CADM4: variants seen among roughly 807,000 people sequenced by gnomAD.
CADM4 encodes TSLC1-like 2.
In CADM4, 13 loss-of-function variants were observed where a neutral mutation model predicts 43.9. The ratio of observed to expected loss-of-function variants is 0.30; its 90% CI spans 0.19 to 0.47. CADM4 has a LOEUF of 0.47. Ranked by LOEUF, CADM4 falls within the 20% of genes least tolerant of loss-of-function variation. The pLI, the probability that CADM4 is intolerant of heterozygous loss-of-function variation, is 1.00. For missense variants in CADM4, 420 were observed against 527.0 expected (o/e 0.80, Z 1.99); for synonymous variants, 209 against 220.9 (o/e 0.95, Z 0.48).
chr19:43,633,108 C>A (rs567935993), intron 1 of CADM4, among the ~76,000 whole-genome samples: 2 of 151,146 alleles, frequency 1.3e-5, no homozygotes, highest in East Asian at 4.0e-4. Context: ...GGGTATTGCT[C>A]TGTCACCCAG....
rs1397640188 is a variant in CADM4, at chr19:43,639,842, G to GCCCGCGCCGCCCGCCCCGCCC, written c.-53_-52insGGGCGGGGCGGGCGGCGCGGG. On this transcript the variant is annotated 5_prime_UTR_variant, in exon 1 of 9. Transcript: ENST00000222374. ...TCGCTCCCGGCCCGGCACCTGCACC[G>GCCCGCGCCGCCCGCCCCGCCC]CCCGCGCCGCCCGCCCCGCCCCCCG... The GCCCGCGCCGCCCGCCCCGCCC allele has an allele frequency of 6.1e-6, 6 of 976,880 alleles. No homozygotes were observed. The highest frequency in any genetic ancestry group is 7.3e-6 in the Non-Finnish European group (6 of 826,418). The allele number at this position is 976,880 out of a possible 1,614,324, so 60.5% of individuals were successfully genotyped here.
At position 43,622,607 on chromosome 19, in the gene CADM4, A is replaced by G. The variant is rs902612115; in HGVS notation, c.*723T>C. 3.3e-5 allele frequency: 5 copies of G among 152,558 alleles called. No homozygotes were observed. Among genetic ancestry groups the G allele is most frequent in the Non-Finnish European group, 7.3e-5 (5 of 68,056 alleles). The allele number at this position is 152,558 out of a possible 1,614,324, so 9.5% of individuals were successfully genotyped here. A position where few individuals can be genotyped will look rare whatever the true frequency, so the allele number is the denominator to read the frequency against. ...CCATGAAGACCACGAATCCTCCCCA[A>G]ACTCCTTTCCCCCTCCCCGGGGGGC... On this transcript the variant is annotated 3_prime_UTR_variant, in exon 9 of 9. Transcript: ENST00000222374.
rs1973549750 is a variant in CADM4, at chr19:43,627,543, A to G, written c.211+101T>C. On this transcript the variant is annotated intron_variant, in intron 2 of 8. Transcript: ENST00000222374. This position sits in a 1 kb window ranked among gnomAD's most constrained non-coding sequence, Gnocchi z 4.0. Reference sequence around the variant, plus strand: ...CCCAGCCCTTTCTTCTCCGAGACCCAGGAGACCAAACTCTCAGGTGTGTCC... The same window carrying G: ...CCCAGCCCTTTCTTCTCCGAGACCCGGGAGACCAAACTCTCAGGTGTGTCC... 7.2e-7 allele frequency: 1 copy of G among 1,396,486 alleles called. No homozygotes were observed. Among genetic ancestry groups the G allele is most frequent in the Non-Finnish European group, 9.7e-7 (1 of 1,031,926 alleles). 86.5% of individuals were successfully genotyped at this position (1,396,486 alleles called of 1,614,324 possible). A position where few individuals can be genotyped will look rare whatever the true frequency, so the allele number is the denominator to read the frequency against.
In CADM4 at chr19:43,627,568, C is replaced by A; in HGVS notation, c.211+76G>T. ...AGGAGACCAAACTCTCAGGTGTGTC[C>A]TCTTTCAGGACATGGGAGCCTGGGC... On this transcript the variant is annotated intron_variant, in intron 2 of 8. Coordinates refer to ENST00000222374, the MANE Select transcript of CADM4 (RefSeq NM_145296.2). The surrounding 1 kb of genome is among the most constrained non-coding windows in gnomAD (Gnocchi z 4.0). The A allele has an allele frequency of 6.6e-7, 1 of 1,516,832 alleles. No homozygotes were observed. Among genetic ancestry groups the A allele is most frequent in the Admixed American group, 1.9e-5 (1 of 53,148 alleles). The allele number at this position is 1,516,832 out of a possible 1,614,324, so 94.0% of individuals were successfully genotyped here. A position where few individuals can be genotyped will look rare whatever the true frequency, so the allele number is the denominator to read the frequency against.
intron 1 of CADM4, among the ~76,000 whole-genome samples, chr19:43,633,894 A>G (rs932840305): frequency 6.6e-6 from 1 of 151,582 alleles, no homozygotes; most frequent in Non-Finnish European, 1.5e-5. Flanking sequence ...GGGGGTCTCA[A>G]TATCTTGCCC....
At position 43,626,720 on chromosome 19, in the gene CADM4, T is replaced by A; in HGVS notation, c.499+64A>T. 2 of 1,491,594 alleles carry A rather than the reference T, an allele frequency of 1.3e-6. No individual in the cohort carries two copies. Among genetic ancestry groups the A allele is most frequent in the Non-Finnish European group, 8.9e-7 (1 of 1,117,968 alleles). 92.4% of individuals were successfully genotyped at this position (1,491,594 alleles called of 1,614,324 possible). ...TGAAAACCTGTGGCTCCTCTCCACA[T>A]ATAAACAACCTCTCCTAAGTCCCAC... On this transcript the variant is annotated intron_variant, in intron 4 of 8. Coordinates refer to ENST00000222374, the MANE Select transcript of CADM4 (RefSeq NM_145296.2). This position sits in a 1 kb window ranked among gnomAD's most constrained non-coding sequence, Gnocchi z 5.9.
rs916872810 is a variant in CADM4 at position 43,622,720 on chromosome 19, G to A, written c.*610C>T. 4 of 152,678 alleles carry A rather than the reference G, an allele frequency of 2.6e-5. No individual in the cohort carries two copies. The highest frequency in any genetic ancestry group is 9.7e-5 in the African/African-American group (4 of 41,392). 9.5% of individuals were successfully genotyped at this position (152,678 alleles called of 1,614,324 possible). A position where few individuals can be genotyped will look rare whatever the true frequency, so the allele number is the denominator to read the frequency against. On this transcript the variant is annotated 3_prime_UTR_variant, in exon 9 of 9. Coordinates refer to ENST00000222374, the MANE Select transcript of CADM4 (RefSeq NM_145296.2). Reference sequence around the variant, plus strand: ...GACAGACGTTGGGGGAGAAGGTAGAGAGAAGGGGAGCCCAGGAACCTGGGG... The same window carrying A: ...GACAGACGTTGGGGGAGAAGGTAGAAAGAAGGGGAGCCCAGGAACCTGGGG...
At chr19:43,630,281 C>CTTT (rs59489315) in intron 1 of CADM4, among the ~76,000 whole-genome samples, 9,250 of 73,260 alleles carry the variant, frequency 0.13, 1,018 homozygotes, top group African/African-American at 0.17. Flanking sequence ...TTTTTCTTTT[C>CTTT]TTTTTTTTTT....
rs774965637 is a variant in CADM4, at chr19:43,627,155, G to C, written c.364+11C>G. ...AGGAGAGGATGCGTCTGACAAGGGGGAGGGCGTTACCTAGTACCGTGAGCG... is the reference window on the plus strand; with the variant it reads ...AGGAGAGGATGCGTCTGACAAGGGGCAGGGCGTTACCTAGTACCGTGAGCG... On this transcript the variant is annotated intron_variant, in intron 3 of 8. Transcript: ENST00000222374. The surrounding 1 kb of genome is among the most constrained non-coding windows in gnomAD (Gnocchi z 4.0). 3.0e-5 allele frequency: 47 copies of C among 1,558,058 alleles called. 3 individuals carry two copies. In the South Asian group the frequency reaches 4.7e-4, roughly 16 times the overall value.
chr19:43,641,427 T>C (rs1973770213), upstream of CADM4, among the ~76,000 whole-genome samples: 1 of 152,164 alleles, frequency 6.6e-6, no homozygotes, highest in African/African-American at 2.4e-5. Context: ...GGACCATGGC[T>C]CCCAGTGTCT....
intron 1 of CADM4, among the ~76,000 whole-genome samples, chr19:43,638,000 C>T (rs1388431288): frequency 1.3e-5 from 2 of 151,924 alleles, no homozygotes; most frequent in Non-Finnish European, 2.9e-5. Flanking sequence ...TGGTGTTTAG[C>T]CTAAAAAATA....
At chr19:43,629,113 T>C (rs551751575) in intron 1 of CADM4, among the ~76,000 whole-genome samples, 1 of 152,198 alleles carries the variant, frequency 6.6e-6, no homozygotes, top group South Asian at 2.1e-4. Flanking sequence ...ATGTGACCAA[T>C]TCTGGCCAAT....
At position 43,623,105 on chromosome 19, in the gene CADM4, G is replaced by A; in HGVS notation, c.*225C>T. Reference sequence around the variant, plus strand: ...TGGACTTGGGGGGTCTGGACCTTTGGCCCCTGCCCCCTGGGGGACCCAGAC... The same window carrying A: ...TGGACTTGGGGGGTCTGGACCTTTGACCCCTGCCCCCTGGGGGACCCAGAC... On this transcript the variant is annotated 3_prime_UTR_variant, in exon 9 of 9. Coordinates refer to ENST00000222374, the MANE Select transcript of CADM4 (RefSeq NM_145296.2). This position sits in a 1 kb window ranked among gnomAD's most constrained non-coding sequence, Gnocchi z 4.4. The A allele has an allele frequency of 1.8e-6, 1 of 543,160 alleles. No homozygotes were observed. The highest frequency in any genetic ancestry group is 3.2e-5 in the Admixed American group (1 of 31,664). 33.6% of individuals were successfully genotyped at this position (543,160 alleles called of 1,614,324 possible).
rs1973540525 is a variant in CADM4, at chr19:43,627,067, C to G, written c.364+99G>C. ...AGAGGTCAGGAGCCAGATGCCCATC[C>G]AGGATGTTAAAAATAGCCATGGTCT... is the stretch of plus-strand genomic sequence containing the variant. On this transcript the variant is annotated intron_variant, in intron 3 of 8. Transcript: ENST00000222374. The surrounding 1 kb of genome is among the most constrained non-coding windows in gnomAD (Gnocchi z 4.0). 6.7e-7 allele frequency: 1 copy of G among 1,491,216 alleles called. No individual in the cohort carries two copies. Among genetic ancestry groups the G allele is most frequent in the Non-Finnish European group, 9.0e-7 (1 of 1,110,980 alleles). The allele number at this position is 1,491,216 out of a possible 1,614,324, so 92.4% of individuals were successfully genotyped here. A position where few individuals can be genotyped will look rare whatever the true frequency, so the allele number is the denominator to read the frequency against.
In CADM4 at chr19:43,623,286, GA is replaced by G. The variant is rs1568539108; in HGVS notation, c.*43del. ...GTTCCTTGCAGCTGGCAGTGGGGGG[GA>G]CCCCAGCCCAGGCCCAGGCCTAGGC... On this transcript the variant is annotated 3_prime_UTR_variant, in exon 9 of 9. Coordinates refer to ENST00000222374, the MANE Select transcript of CADM4 (RefSeq NM_145296.2). The surrounding 1 kb of genome is among the most constrained non-coding windows in gnomAD (Gnocchi z 4.4). 1 of 1,457,298 alleles carries G rather than the reference GA, an allele frequency of 6.9e-7. No homozygotes were observed. Among genetic ancestry groups the G allele is most frequent in the East Asian group, 2.3e-5 (1 of 44,200 alleles). The allele number at this position is 1,457,298 out of a possible 1,614,324, so 90.3% of individuals were successfully genotyped here.
chr19:43,632,909 AC>A (rs1973647849), intron 1 of CADM4, among the ~76,000 whole-genome samples: 1 of 151,732 alleles, frequency 6.6e-6, no homozygotes, highest in Admixed American at 6.6e-5. Flanking sequence ...ACGTGGCGAA[AC>A]CCCGTCTCTA....
At chr19:43,638,646 G>A (rs868815144) in intron 1 of CADM4, among the ~76,000 whole-genome samples, 1 of 152,246 alleles carries the variant, frequency 6.6e-6, no homozygotes, top group Non-Finnish European at 1.5e-5. Context: ...GCTTCTCACA[G>A]TGTGTGATGA....
At position 43,639,848 on chromosome 19, in the gene CADM4, G is replaced by A. The variant is rs1019788355; in HGVS notation, c.-58C>T. On this transcript the variant is annotated 5_prime_UTR_variant, in exon 1 of 9. Transcript: ENST00000222374. Reference sequence around the variant, plus strand: ...CCGGCCCGGCACCTGCACCGCCCGCGCCGCCCGCCCCGCCCCCCGCGCCCC... The same window carrying A: ...CCGGCCCGGCACCTGCACCGCCCGCACCGCCCGCCCCGCCCCCCGCGCCCC... 8.2e-6 allele frequency: 8 copies of A among 976,814 alleles called. No individual in the cohort carries two copies. The South Asian group carries it at 3.2e-4, about 39-fold the overall frequency. 60.5% of individuals were successfully genotyped at this position (976,814 alleles called of 1,614,324 possible). A position where few individuals can be genotyped will look rare whatever the true frequency, so the allele number is the denominator to read the frequency against.
Position 43,624,122 on chromosome 19 carries a change from C to A in CADM4, c.1049G>T (p.Arg350Leu), listed in dbSNP as rs904275777. ...GGCCCCGTCCCACTCACCCTTCTGCCGTACCGAGCACCAGACCATGCCCAC... is the reference window on the plus strand; with the variant it reads ...GGCCCCGTCCCACTCACCCTTCTGCAGTACCGAGCACCAGACCATGCCCAC... ...VLVGMVWCSVRQKGSYLTHEA... is the reference protein window; with the variant it reads ...VLVGMVWCSVLQKGSYLTHEA... The change falls in exon 8 of 9, where the codon CGG becomes CTG. Residue 350 changes from arginine (R) to leucine (L), a missense_variant. Coordinates refer to ENST00000222374, the MANE Select transcript of CADM4 (RefSeq NM_145296.2). The A allele has an allele frequency of 1.9e-6, 3 of 1,614,194 alleles. No individual in the cohort carries two copies. Among genetic ancestry groups the A allele is most frequent in the Non-Finnish European group, 2.5e-6 (3 of 1,180,026 alleles).
Sources: allele counts gnomAD v4.1 joint callset (sites outside exome capture counted in the v4.1 genomes callset), GRCh38; gene constraint gnomAD v4.1.1; non-coding constraint Gnocchi (gnomAD v3.1); transcripts MANE v1.5; gene names NCBI Gene and HGNC (gene_info 2026-07-23, HGNC 2026-07-21).